Variants in DPP10 observed in about 807,000 individuals in gnomAD.
DPP10 encodes the protein inactive dipeptidyl peptidase 10.
In DPP10, 33 loss-of-function variants were observed where a neutral mutation model predicts 120.9. That is an observed-to-expected ratio of 0.27 (90% confidence interval 0.21 to 0.37). The LOEUF (loss-of-function observed/expected upper bound fraction) is 0.37, where lower values mean the gene tolerates loss of function less well. Among genes scored for constraint, DPP10 ranks in the 10% least tolerant of loss-of-function variants. The pLI, the probability that DPP10 is intolerant of heterozygous loss-of-function variation, is 1.00. For missense variants in DPP10, 816 were observed against 942.8 expected, an observed-to-expected ratio of 0.87 and a Z score of 1.76; for synonymous variants, 337 against 326.1, an observed-to-expected ratio of 1.03 and a Z score of -0.36.
chr2:114,578,304 C>G (rs1690223521), intron 1 of DPP10, among the ~76,000 whole-genome samples: 1 of 152,156 alleles, frequency 6.6e-6, no homozygotes, highest in Non-Finnish European at 1.5e-5. Context: ...CAGCACTTTA[C>G]AAGCTGTGTG....
intron 1 of DPP10, among the ~76,000 whole-genome samples, chr2:115,130,338 G>T (rs1165773887): frequency 6.6e-6 from 1 of 151,966 alleles, no homozygotes; most frequent in Non-Finnish European, 1.5e-5. Flanking sequence ...CTGTTGTTAC[G>T]TTCTTCCTTA....
intron 1 of DPP10, among the ~76,000 whole-genome samples, chr2:115,167,531 T>C (rs1162539581): frequency 6.9e-6 from 1 of 145,040 alleles, no homozygotes; most frequent in South Asian, 2.2e-4. Context: ...TGCTTGAACC[T>C]GGGAGGTCAA....
At chr2:115,459,831 C>G (rs1221459674) in intron 3 of DPP10, among the ~76,000 whole-genome samples, 4 of 151,118 alleles carry the variant, frequency 2.6e-5, no homozygotes, top group African/African-American at 9.7e-5. Context: ...GATATTGGTT[C>G]TATGACTAAA....
chr2:114,950,456 C>A (rs576124935), intron 1 of DPP10, among the ~76,000 whole-genome samples: 1 of 144,640 alleles, frequency 6.9e-6, no homozygotes, highest in African/African-American at 2.5e-5. Flanking sequence ...CACCACGCCC[C>A]GGTAATTTTT....
At chr2:115,030,792 G>C (rs1247841896) in intron 1 of DPP10, among the ~76,000 whole-genome samples, 1 of 152,090 alleles carries the variant, frequency 6.6e-6, no homozygotes, top group Non-Finnish European at 1.5e-5. Flanking sequence ...TGGAGAAAAA[G>C]GAATGCTTTG....
At chr2:115,759,216 A>C (rs1679796674) in intron 11 of DPP10, among the ~76,000 whole-genome samples, 1 of 152,098 alleles carries the variant, frequency 6.6e-6, no homozygotes, top group African/African-American at 2.4e-5. Context: ...AAAAACATCA[A>C]AACATGTGAA....
chr2:115,696,115 G>A (rs553523890), intron 7 of DPP10, among the ~76,000 whole-genome samples: 194 of 152,160 alleles, frequency 1.3e-3, no homozygotes, highest in African/African-American at 4.2e-3. Context: ...GGGACCTATG[G>A]AATACCATCA....
At chr2:114,572,604 A>G (rs1315029465) in intron 1 of DPP10, among the ~76,000 whole-genome samples, 3 of 152,210 alleles carry the variant, frequency 2.0e-5, no homozygotes, top group African/African-American at 7.2e-5. Flanking sequence ...AATGAGAACT[A>G]TTGTGTGAGC....
intron 5 of DPP10, among the ~76,000 whole-genome samples, chr2:115,557,547 G>A (rs12990349): frequency 1.3e-5 from 2 of 151,956 alleles, no homozygotes; most frequent in Admixed American, 1.3e-4. Flanking sequence ...TCTTGTGACT[G>A]CCTTTCTAAA....
intron 1 of DPP10, among the ~76,000 whole-genome samples, chr2:115,165,003 C>A (rs1176812788): frequency 6.6e-6 from 1 of 152,212 alleles, no homozygotes; most frequent in Non-Finnish European, 1.5e-5. Flanking sequence ...CAACACTCCA[C>A]ATTTACAAAA....
At chr2:114,823,748 G>T (rs1238877204) in intron 1 of DPP10, among the ~76,000 whole-genome samples, 2 of 152,186 alleles carry the variant, frequency 1.3e-5, no homozygotes, top group Non-Finnish European at 2.9e-5. Context: ...GTGGATGTAG[G>T]ACTACCCAGT....
chr2:115,704,634 T>A (rs1023535884), intron 7 of DPP10, among the ~76,000 whole-genome samples: 10 of 151,996 alleles, frequency 6.6e-5, no homozygotes, highest in Non-Finnish European at 1.5e-4. Context: ...TTTTGAGGAT[T>A]GTATAATATG....
intron 1 of DPP10, among the ~76,000 whole-genome samples, chr2:114,557,544 G>A (rs182006777): frequency 6.6e-6 from 1 of 152,102 alleles, no homozygotes; most frequent in South Asian, 2.1e-4. Context: ...TTAACAAGTC[G>A]GCAAGCCAGC....
At chr2:115,379,234 G>A (rs1482398288) in intron 3 of DPP10, among the ~76,000 whole-genome samples, 2 of 152,172 alleles carry the variant, frequency 1.3e-5, no homozygotes, top group African/African-American at 2.4e-5. Context: ...TTCAGATCCT[G>A]TTATTGGTCT....
intron 10 of DPP10, among the ~76,000 whole-genome samples, chr2:115,751,803 G>GTT (rs5833628): frequency 0.12 from 12,312 of 103,380 alleles, 568 homozygotes; most frequent in South Asian, 0.2. Context: ...TTTTTTTGTT[G>GTT]TTTTTTTTTT....
At chr2:114,553,213 G>A (rs1032901490) in intron 1 of DPP10, among the ~76,000 whole-genome samples, 1 of 152,188 alleles carries the variant, frequency 6.6e-6, no homozygotes, top group South Asian at 2.1e-4. Context: ...TGCCTTATGT[G>A]GCATTCGTCT....
intron 5 of DPP10, among the ~76,000 whole-genome samples, chr2:115,538,046 T>A (rs998123454): frequency 3.3e-5 from 5 of 151,956 alleles, no homozygotes; most frequent in African/African-American, 1.2e-4. Context: ...ACTGTAGCCT[T>A]GAAACCCATA....
At chr2:115,026,383 G>A (rs942493926) in intron 1 of DPP10, among the ~76,000 whole-genome samples, 2 of 151,996 alleles carry the variant, frequency 1.3e-5, no homozygotes, top group Admixed American at 6.6e-5. Context: ...CTATGTATCT[G>A]TTTTTATGCC....
intron 1 of DPP10, among the ~76,000 whole-genome samples, chr2:115,081,272 G>T (rs1708252195): frequency 6.6e-6 from 1 of 152,002 alleles, no homozygotes; most frequent in Admixed American, 6.6e-5. Context: ...ATCTTGTGTT[G>T]GTGTCATTCA....
Sources: gnomAD v4.1 joint callset for allele counts (sites outside exome capture counted in the v4.1 genomes callset) on GRCh38, gnomAD v4.1.1 for gene constraint, MANE v1.5 for transcripts, NCBI Gene and HGNC (gene_info 2026-07-23, HGNC 2026-07-21) for gene names.